Variants in COMMD10 observed in about 807,000 individuals in gnomAD.
COMMD10 encodes COMM domain containing 10.
Under a neutral mutation model 28.9 loss-of-function variants are expected in COMMD10, and 33 were observed. The observed-to-expected ratio is 1.14, with a 90% CI of 0.87 to 1.53. COMMD10 has a LOEUF of 1.53. Ranked by LOEUF, COMMD10 falls within the 40% of genes most tolerant of loss-of-function variation. The pLI is 0.00. For missense variants in COMMD10, 310 were observed against 233.4 expected (o/e 1.33, Z -2.14); for synonymous variants, 110 against 81.7 (o/e 1.35, Z -1.87).
chr5:116,137,237 A>G (rs1315184293), intron 5 of COMMD10, among the ~76,000 whole-genome samples: 1 of 152,058 alleles, frequency 6.6e-6, no homozygotes, highest in Non-Finnish European at 1.5e-5. Context: ...ACCACAAACT[A>G]CTTTTCTTTC....
At chr5:116,259,657 A>G (rs964179994) in intron 5 of COMMD10, among the ~76,000 whole-genome samples, 1 of 151,706 alleles carries the variant, frequency 6.6e-6, no homozygotes, top group Non-Finnish European at 1.5e-5. Flanking sequence ...TACTATGTAG[A>G]TTCTCATTAC....
At chr5:116,138,512 T>G (rs1329498100) in intron 5 of COMMD10, among the ~76,000 whole-genome samples, 1 of 151,770 alleles carries the variant, frequency 6.6e-6, no homozygotes, top group Non-Finnish European at 1.5e-5. Flanking sequence ...CTATTAATCT[T>G]AGTACATTTT....
chr5:116,189,155 T>C (rs1748257860), intron 5 of COMMD10, among the ~76,000 whole-genome samples: 1 of 152,166 alleles, frequency 6.6e-6, no homozygotes, highest in Admixed American at 6.5e-5. Flanking sequence ...AGCTAGAGTT[T>C]GGGGCATATG....
chr5:116,276,237 T>C (rs535401405), intron 5 of COMMD10, among the ~76,000 whole-genome samples: 2 of 151,764 alleles, frequency 1.3e-5, no homozygotes, highest in South Asian at 2.1e-4. Flanking sequence ...TGAAGCATGA[T>C]TGAGAAATAT....
In COMMD10 at chr5:116,085,087, GC is replaced by G. The variant is rs1349543004; in HGVS notation, c.39del (p.Ser14AlafsTer2). ...AVPAALILRE[S>X]PSMKKAVSLI... ...CCCGCGGCGCTGATCCTACGGGAGAGCCCCAGGTAGCTGATCCGTTAAGCTC... is the reference window on the plus strand; with the variant it reads ...CCCGCGGCGCTGATCCTACGGGAGAGCCCAGGTAGCTGATCCGTTAAGCTC... On this transcript the variant is annotated frameshift_variant, in exon 1 of 7. Coordinates refer to ENST00000274458, the MANE Select transcript of COMMD10 (RefSeq NM_016144.4). LOFTEE classifies it high-confidence loss of function. 6.2e-7 allele frequency: 1 copy of G among 1,610,034 alleles called. No individual in the cohort carries two copies. The highest frequency in any genetic ancestry group is 1.1e-5 in the South Asian group (1 of 90,204).
chr5:116,144,497 G>T (rs1752284891), intron 5 of COMMD10, among the ~76,000 whole-genome samples: 1 of 151,776 alleles, frequency 6.6e-6, no homozygotes, highest in Non-Finnish European at 1.5e-5. Context: ...TTGAACCCAG[G>T]TCTGTCTGAC....
At chr5:116,108,761 C>CT (rs1239064288) in intron 4 of COMMD10, among the ~76,000 whole-genome samples, 1 of 150,662 alleles carries the variant, frequency 6.6e-6, no homozygotes, top group East Asian at 1.9e-4. Flanking sequence ...ACTCCTGCAG[C>CT]TAGCCTGGTG....
At chr5:116,253,508 C>A (rs173817) in intron 5 of COMMD10, among the ~76,000 whole-genome samples, 8,180 of 143,778 alleles carry the variant, frequency 0.057, 301 homozygotes, top group Admixed American at 0.1. Context: ...TAGCATGAAG[C>A]GTTGTTGAAT....
Position 116,247,175 on chromosome 5 carries a change from C to A in COMMD10, c.511-44342C>A, listed in dbSNP as rs146720188. ...ACTGGGCAAAGGATATAAACAGATA[C>A]TTTTCAAAAGAAGATATACATATGG... On this transcript the variant is annotated intron_variant, in intron 5 of 6. Coordinates refer to ENST00000274458, the MANE Select transcript of COMMD10 (RefSeq NM_016144.4). Among the ~76,000 whole-genome samples, 840 of 151,754 alleles carry A rather than the reference C, an allele frequency of 5.5e-3. 6 individuals carry two copies. Among genetic ancestry groups the A allele is most frequent in the African/African-American group, 0.019 (802 of 41,376 alleles).
chr5:116,248,171 C>G (rs546903029), intron 5 of COMMD10, among the ~76,000 whole-genome samples: 72 of 151,430 alleles, frequency 4.8e-4, no homozygotes, highest in South Asian at 4.2e-3. Context: ...TCTTTAAGCT[C>G]TATACCAGCA....
chr5:116,212,683 C>T (rs1020139685), intron 5 of COMMD10, among the ~76,000 whole-genome samples: 12 of 152,014 alleles, frequency 7.9e-5, no homozygotes, highest in African/African-American at 2.9e-4. Flanking sequence ...ATAATGAATT[C>T]ATCACATTTT....
chr5:116,255,351 C>A (rs4559035), intron 5 of COMMD10, among the ~76,000 whole-genome samples: 55,590 of 151,082 alleles, frequency 0.37, 12,850 homozygotes, highest in African/African-American at 0.66. Context: ...ATGATGTTAG[C>A]TGGTTATTTT....
At chr5:116,169,294 C>G (rs1561645027) in intron 5 of COMMD10, among the ~76,000 whole-genome samples, 1 of 152,010 alleles carries the variant, frequency 6.6e-6, no homozygotes, top group Non-Finnish European at 1.5e-5. Context: ...AAGACTAAAC[C>G]AGGAATAAGA....
At chr5:116,208,132 TAAATA>T (rs1453653071) in intron 5 of COMMD10, among the ~76,000 whole-genome samples, 3 of 152,048 alleles carry the variant, frequency 2.0e-5, no homozygotes, top group African/African-American at 7.3e-5. Flanking sequence ...AACTCTATCT[TAAATA>T]AGATAATGTA....
intron 5 of COMMD10, among the ~76,000 whole-genome samples, chr5:116,237,180 C>T (rs2112659807): frequency 6.6e-6 from 1 of 152,090 alleles, no homozygotes; most frequent in African/African-American, 2.4e-5. Context: ...GTTTGATGAA[C>T]AGCAAGCAGG....
At chr5:116,235,760 C>T (rs1276498166) in intron 5 of COMMD10, among the ~76,000 whole-genome samples, 1 of 151,994 alleles carries the variant, frequency 6.6e-6, no homozygotes, top group Non-Finnish European at 1.5e-5. Flanking sequence ...CATCTTTTTC[C>T]CTCCTTGGAA....
intron 5 of COMMD10, among the ~76,000 whole-genome samples, chr5:116,240,092 A>C (rs1159674595): frequency 6.6e-6 from 1 of 152,184 alleles, no homozygotes; most frequent in Non-Finnish European, 1.5e-5. Context: ...AAAATAGTAG[A>C]TCACTATGTG....
chr5:116,115,096 T>C (rs1751187179), intron 4 of COMMD10, among the ~76,000 whole-genome samples: 1 of 152,166 alleles, frequency 6.6e-6, no homozygotes, highest in African/African-American at 2.4e-5. Context: ...AACCCTAGGA[T>C]TGAGAATGGC....
intron 5 of COMMD10, among the ~76,000 whole-genome samples, chr5:116,164,020 A>T (rs1301134353): frequency 1.3e-5 from 2 of 152,146 alleles, no homozygotes. Context: ...TTCCTTAGTC[A>T]ATATAACACT....
Sources: allele counts gnomAD v4.1 joint callset (sites outside exome capture counted in the v4.1 genomes callset), GRCh38; gene constraint gnomAD v4.1.1; transcripts MANE v1.5; gene names NCBI Gene and HGNC (gene_info 2026-07-23, HGNC 2026-07-21).